The following RNF144A variants were observed in gnomAD, a reference collection of about 807,000 sequenced individuals.
The protein encoded by RNF144A is ring finger protein 144A.
RNF144A carries 11 observed loss-of-function variants against 38.7 expected under a neutral mutation model. The ratio of observed to expected loss-of-function variants is 0.28; its 90% CI spans 0.18 to 0.47. The LOEUF (loss-of-function observed/expected upper bound fraction) is 0.47. Ranked by LOEUF, RNF144A falls within the 20% of genes least tolerant of loss-of-function variation. RNF144A has a pLI of 0.99. For synonymous variants in RNF144A, 149 were observed against 143.9 expected, an observed-to-expected ratio of 1.04 and a Z score of -0.25; for missense variants, 316 against 377.2, an observed-to-expected ratio of 0.84 and a Z score of 1.34.
At chr2:6,985,914 T>C (rs1024837861) in intron 2 of RNF144A, among the ~76,000 whole-genome samples, 11 of 152,162 alleles carry the variant, frequency 7.2e-5, no homozygotes, top group Non-Finnish European at 1.5e-4. Context: ...GACCTCATGA[T>C]CCGCCCACCT....
rs1666976963 is a variant in RNF144A, at chr2:6,956,063, C to CA, written c.-12+14918dup. 2.0e-5 allele frequency among the ~76,000 whole-genome samples: 3 copies of CA among 152,322 alleles called. No homozygotes were observed. In the South Asian group the frequency reaches 6.2e-4, roughly 32 times the overall value. On this transcript the variant is annotated intron_variant, in intron 2 of 8. Transcript: ENST00000320892. ...CTATAAAAATATTATAACATGGCTT[C>CA]AAGCCCTCTGGGACCTTTAAAAATA...
At chr2:7,037,419 G>A (rs1558454294) in intron 8 of RNF144A, among the ~76,000 whole-genome samples, 2 of 152,198 alleles carry the variant, frequency 1.3e-5, no homozygotes, top group South Asian at 2.1e-4. Context: ...CCAGGTAGTC[G>A]AGGTTGCTCA....
intron 2 of RNF144A, among the ~76,000 whole-genome samples, chr2:6,942,921 T>A (rs140630639): frequency 6.6e-6 from 1 of 151,356 alleles, no homozygotes; most frequent in Non-Finnish European, 1.5e-5. Context: ...GAGGCGGAGG[T>A]CGCAGTGAGC....
intron 3 of RNF144A, among the ~76,000 whole-genome samples, chr2:6,997,878 A>T (rs1669861701): frequency 6.6e-6 from 1 of 152,216 alleles, no homozygotes; most frequent in Admixed American, 6.5e-5. Context: ...ACAGCATGAT[A>T]ATTATAGTTA....
At chr2:6,955,674 T>C (rs997363372) in intron 2 of RNF144A, among the ~76,000 whole-genome samples, 5 of 152,216 alleles carry the variant, frequency 3.3e-5, no homozygotes, top group African/African-American at 1.2e-4. Context: ...AGACTTGCCC[T>C]GTCTGTTGCA....
chr2:7,074,499 C>G, the RNF144A span: 2 of 152,144 alleles, frequency 1.3e-5, no homozygotes, highest in African/African-American at 2.4e-5. Flanking sequence ...GTACTTACAG[C>G]TTTTAAAAAT....
intron 2 of RNF144A, among the ~76,000 whole-genome samples, chr2:6,986,127 C>T (rs993736726): frequency 5.3e-5 from 8 of 152,142 alleles, no homozygotes; most frequent in African/African-American, 1.9e-4. Flanking sequence ...TAGAGGACTC[C>T]CGGAAGCCAG....
intron 6 of RNF144A, among the ~76,000 whole-genome samples, chr2:7,050,007 C>T (rs182201289): frequency 5.3e-5 from 8 of 152,302 alleles, no homozygotes; most frequent in Admixed American, 3.3e-4. Flanking sequence ...AAAATGCATT[C>T]GATACCAAGT....
chr2:7,061,844 A>G (rs995963983), intron 6 of RNF144A, among the ~76,000 whole-genome samples: 4 of 152,262 alleles, frequency 2.6e-5, no homozygotes, highest in African/African-American at 9.6e-5. Context: ...TATGATAGAC[A>G]TTACCTATAA....
At chr2:6,973,997 A>G (rs1424332332) in intron 2 of RNF144A, among the ~76,000 whole-genome samples, 2 of 152,218 alleles carry the variant, frequency 1.3e-5, no homozygotes, top group African/African-American at 4.8e-5. Context: ...ATTGTTCACC[A>G]CAGAAGGAAA....
At chr2:7,073,559 T>C in the RNF144A span, among the ~76,000 whole-genome samples, 1 of 152,160 alleles carries the variant, frequency 6.6e-6, no homozygotes, top group East Asian at 1.9e-4. Flanking sequence ...GATAATGAGG[T>C]GTCTTCATGT....
At chr2:7,018,828 C>A (rs530509841) in intron 5 of RNF144A, among the ~76,000 whole-genome samples, 225 of 152,118 alleles carry the variant, frequency 1.5e-3, no homozygotes, top group Middle Eastern at 6.8e-3. Flanking sequence ...TTATCAAGTT[C>A]TTCTTAATCT....
chr2:7,011,856 C>T (rs748241217), intron 3 of RNF144A, among the ~76,000 whole-genome samples: 20 of 152,202 alleles, frequency 1.3e-4, no homozygotes, highest in Non-Finnish European at 1.2e-4. Context: ...AACGTCATCT[C>T]TCTTTATGTA....
At chr2:6,964,925 A>C (rs2103336100) in intron 2 of RNF144A, among the ~76,000 whole-genome samples, 1 of 152,292 alleles carries the variant, frequency 6.6e-6, no homozygotes, top group East Asian at 1.9e-4. Flanking sequence ...ATATGTAACT[A>C]ACCTGCGCAT....
chr2:6,966,794 C>T (rs1667692520), intron 2 of RNF144A, among the ~76,000 whole-genome samples: 1 of 152,152 alleles, frequency 6.6e-6, no homozygotes. Flanking sequence ...ATAGTCAGGG[C>T]AGCAGCACAA....
At chr2:7,000,385 G>A (rs1670022941) in intron 3 of RNF144A, among the ~76,000 whole-genome samples, 2 of 152,306 alleles carry the variant, frequency 1.3e-5, no homozygotes, top group African/African-American at 2.4e-5. Flanking sequence ...TCAGGCTGCC[G>A]TTACCCACCA....
chr2:7,058,265 G>T (rs1344692184), intron 6 of RNF144A, among the ~76,000 whole-genome samples: 1 of 151,286 alleles, frequency 6.6e-6, no homozygotes, highest in Non-Finnish European at 1.5e-5. Context: ...CGAGAAAAGG[G>T]TGCCCCAAGC....
At chr2:6,934,046 G>A (rs1438226876) in intron 1 of RNF144A, among the ~76,000 whole-genome samples, 2 of 151,992 alleles carry the variant, frequency 1.3e-5, no homozygotes, top group South Asian at 2.1e-4. Flanking sequence ...AGCACATGTG[G>A]GTCAGAGTTA....
At chr2:7,076,018 C>T in the RNF144A span, among the ~76,000 whole-genome samples, 1 of 152,168 alleles carries the variant, frequency 6.6e-6, no homozygotes, top group Non-Finnish European at 1.5e-5. Flanking sequence ...ATTATTGCAT[C>T]ATGCTGTTTT....
Sources: gnomAD v4.1 joint callset for allele counts (sites outside exome capture counted in the v4.1 genomes callset) on GRCh38, gnomAD v4.1.1 for gene constraint, MANE v1.5 for transcripts, NCBI Gene and HGNC (gene_info 2026-07-23, HGNC 2026-07-21) for gene names.